Variants in MCPH1 observed in about 807,000 individuals in gnomAD.
MCPH1 encodes the protein microcephalin.
Under a neutral mutation model 84.5 loss-of-function variants are expected in MCPH1, and 104 were observed. The ratio of observed to expected loss-of-function variants is 1.23; its 90% CI spans 1.05 to 1.45. The LOEUF (loss-of-function observed/expected upper bound fraction) is 1.45, where lower values mean the gene tolerates loss of function less well. Ranked by LOEUF, MCPH1 falls within the 40% of genes most tolerant of loss-of-function variation. MCPH1 has a pLI of 0.00. For synonymous variants in MCPH1, 514 were observed against 366.8 expected, an observed-to-expected ratio of 1.40 and a Z score of -4.58; for missense variants, 1,498 against 1,005.7, an observed-to-expected ratio of 1.49 and a Z score of -6.62.
chr8:6,473,784 TATG>T, intron 9 of MCPH1: 3 of 972,790 alleles, frequency 3.1e-6, no homozygotes, highest in Non-Finnish European at 4.3e-6. Flanking sequence ...AAACAATTTC[TATG>T]ATGTCAGCAG....
At chr8:6,503,903 C>T (rs1463411463) in intron 12 of MCPH1, among the ~76,000 whole-genome samples, 2 of 152,182 alleles carry the variant, frequency 1.3e-5, no homozygotes, top group Non-Finnish European at 2.9e-5. Flanking sequence ...CAGGAGCATG[C>T]TGGGGTTTGT....
intron 12 of MCPH1, among the ~76,000 whole-genome samples, chr8:6,545,623 G>A (rs551371119): frequency 1.6e-4 from 25 of 152,246 alleles, no homozygotes; most frequent in East Asian, 1.5e-3. Flanking sequence ...GATTCTTTCC[G>A]GATCAAGCAT....
intron 9 of MCPH1, among the ~76,000 whole-genome samples, chr8:6,459,930 G>A (rs1204256856): frequency 6.6e-6 from 1 of 152,202 alleles, no homozygotes; most frequent in Non-Finnish European, 1.5e-5. Flanking sequence ...TGTGGCCCGG[G>A]GATGGATGCA....
At chr8:6,634,344 C>G (rs910199372) in intron 13 of MCPH1, among the ~76,000 whole-genome samples, 2 of 152,180 alleles carry the variant, frequency 1.3e-5, no homozygotes, top group African/African-American at 4.8e-5. Context: ...ACGAGTTTGC[C>G]AAGATTATCG....
chr8:6,570,355 A>C (rs1030984642), intron 12 of MCPH1, among the ~76,000 whole-genome samples: 3 of 152,208 alleles, frequency 2.0e-5, no homozygotes, highest in African/African-American at 7.2e-5. Flanking sequence ...TCCCCTTTGT[A>C]CAAGGTGAGC....
At chr8:6,446,352 A>G (rs1368505161) in intron 8 of MCPH1, 17 of 984,778 alleles carry the variant, frequency 1.7e-5, no homozygotes, top group Non-Finnish European at 2.0e-5. Context: ...TTCTCTCTGC[A>G]TGATTTCTCT....
rs559029605 is a variant in MCPH1, at chr8:6,475,534, G to A, written c.1936-2060G>A. ...GAGCCCCTGGTTCTTCAGATGGAATGTGCAAATTCAGCACACCAACACGAT... is the reference window on the plus strand; with the variant it reads ...GAGCCCCTGGTTCTTCAGATGGAATATGCAAATTCAGCACACCAACACGAT... On this transcript the variant is annotated intron_variant, in intron 9 of 13. Transcript: ENST00000344683. 5.3e-5 allele frequency among the ~76,000 whole-genome samples: 8 copies of A among 152,328 alleles called. No individual in the cohort carries two copies. The South Asian group carries it at 1.7e-3, about 32-fold the overall frequency.
chr8:6,412,727 C>T (rs1338842767), intron 2 of MCPH1, among the ~76,000 whole-genome samples: 1 of 152,194 alleles, frequency 6.6e-6, no homozygotes, highest in African/African-American at 2.4e-5. Flanking sequence ...ATGCTAGACT[C>T]ATCTCTCTAG....
At chr8:6,601,486 C>T (rs992957670) in intron 12 of MCPH1, among the ~76,000 whole-genome samples, 9 of 151,804 alleles carry the variant, frequency 5.9e-5, no homozygotes, top group East Asian at 1.9e-4. Context: ...ATCTCCCTCC[C>T]GCCATGACAC....
At chr8:6,523,250 G>C (rs1395588655) in intron 12 of MCPH1, among the ~76,000 whole-genome samples, 1 of 152,204 alleles carries the variant, frequency 6.6e-6, no homozygotes, top group South Asian at 2.1e-4. Flanking sequence ...GCCCGCCCCT[G>C]CCTCCCAAAG....
intron 12 of MCPH1, among the ~76,000 whole-genome samples, chr8:6,537,995 T>G (rs1820810058): frequency 6.6e-6 from 1 of 152,190 alleles, no homozygotes; most frequent in Non-Finnish European, 1.5e-5. Flanking sequence ...CTAAAGACCT[T>G]GAATTTTCTG....
chr8:6,465,642 A>C (rs1806795140), intron 9 of MCPH1, among the ~76,000 whole-genome samples: 2 of 152,130 alleles, frequency 1.3e-5, no homozygotes, highest in African/African-American at 4.8e-5. Flanking sequence ...GCGGAGGAGG[A>C]AGCCAAGAGA....
chr8:6,476,195 GA>G (rs1303565557), intron 9 of MCPH1, among the ~76,000 whole-genome samples: 2 of 152,038 alleles, frequency 1.3e-5, no homozygotes, highest in Non-Finnish European at 1.5e-5. Context: ...TTGGGAGGCC[GA>G]GGTGGGTGGA....
intron 3 of MCPH1, among the ~76,000 whole-genome samples, chr8:6,425,977 C>A (rs539534634): frequency 6.6e-6 from 1 of 152,084 alleles, no homozygotes; most frequent in African/African-American, 2.4e-5. Context: ...AGTGGTAAAT[C>A]GGTGACATTT....
chr8:6,513,019 A>G (rs1815485094), intron 12 of MCPH1, among the ~76,000 whole-genome samples: 1 of 152,258 alleles, frequency 6.6e-6, no homozygotes, highest in African/African-American at 2.4e-5. Flanking sequence ...CACAGTCACA[A>G]GTATCCATCA....
intron 1 of MCPH1, among the ~76,000 whole-genome samples, chr8:6,408,199 A>G (rs1798011471): frequency 1.3e-5 from 2 of 152,188 alleles, no homozygotes; most frequent in African/African-American, 2.4e-5. Flanking sequence ...ATTTTAATAA[A>G]TTCCACTGAA....
intron 12 of MCPH1, chr8:6,508,998 C>G (rs1814372338): frequency 6.2e-7 from 1 of 1,614,010 alleles, no homozygotes; most frequent in African/African-American, 1.3e-5. Context: ...GTGCTAAAAT[C>G]ATTTCCTGGT....
intron 2 of MCPH1, among the ~76,000 whole-genome samples, chr8:6,412,180 G>C (rs950666391): frequency 3.9e-5 from 6 of 152,158 alleles, no homozygotes; most frequent in African/African-American, 1.4e-4. Context: ...TAGGAGCAGG[G>C]CCTGCACTGC....
intron 12 of MCPH1, among the ~76,000 whole-genome samples, chr8:6,609,490 A>G (rs1830064829): frequency 6.6e-6 from 1 of 152,246 alleles, no homozygotes; most frequent in East Asian, 1.9e-4. Flanking sequence ...GCTTTAAAAA[A>G]ATCCAAGTTT....
Sources: allele counts gnomAD v4.1 joint callset (sites outside exome capture counted in the v4.1 genomes callset), GRCh38; gene constraint gnomAD v4.1.1; transcripts MANE v1.5; gene names NCBI Gene and HGNC (gene_info 2026-07-23, HGNC 2026-07-21).